FRY: variants seen among roughly 807,000 people sequenced by gnomAD.
FRY encodes the protein FRY microtubule binding protein, also known as protein furry homolog.
FRY carries 128 observed loss-of-function variants against 348.4 expected under a neutral mutation model. That is an observed-to-expected ratio of 0.37 (90% CI 0.32 to 0.43). FRY has a LOEUF of 0.43. Among genes scored for constraint, FRY ranks in the 20% least tolerant of loss-of-function variants. The pLI is 1.00. For synonymous variants in FRY, 1,370 were observed against 1,374.7 expected, an observed-to-expected ratio of 1.00 and a Z score of 0.08; for missense variants, 2,736 against 3,695.2, an observed-to-expected ratio of 0.74 and a Z score of 6.73.
intron 11 of FRY, among the ~76,000 whole-genome samples, chr13:32,146,115 C>G (rs543954243): frequency 6.6e-6 from 1 of 152,100 alleles, no homozygotes; most frequent in South Asian, 2.1e-4. Flanking sequence ...CAGGAGCCCT[C>G]TGCTCCTCCA....
Position 32,178,368 on chromosome 13 carries a change from A to C in FRY, c.2613A>C (p.Thr871=), listed in dbSNP as rs1415031375. ...AGAACTTACCCAAGCACTGCCCCAC[A>C]GCCCTCAGCTATGCCTGGCCTTATG... ...RQENLPKHCP[T]ALSYAWPYAF... Residue 871 remains threonine (T), a synonymous_variant, in exon 21 of 61, where the codon ACA becomes ACC. Coordinates refer to ENST00000542859, the MANE Select transcript of FRY (RefSeq NM_023037.3). 3 of 1,614,070 alleles carry C rather than the reference A, an allele frequency of 1.9e-6. No homozygotes were observed. The highest frequency in any genetic ancestry group is 1.7e-6 in the Non-Finnish European group (2 of 1,180,016).
At chr13:32,053,511 G>C (rs9533282) in intron 1 of FRY, among the ~76,000 whole-genome samples, 3,751 of 152,302 alleles carry the variant, frequency 0.025, 65 homozygotes, top group Non-Finnish European at 0.038. Flanking sequence ...CTTTGCAGAC[G>C]AACTGTCTCG....
At chr13:32,228,355 A>T in intron 39 of FRY, 101 bp from the exon 40 acceptor site, 2 of 890,502 alleles carry the variant, frequency 2.2e-6, no homozygotes, top group Non-Finnish European at 3.8e-6. Context: ...CCCAGAATTT[A>T]AATAACTCCA....
chr13:32,229,554 G>A (rs1885796723), intron 40 of FRY, among the ~76,000 whole-genome samples: 1 of 152,220 alleles, frequency 6.6e-6, no homozygotes, highest in African/African-American at 2.4e-5. Context: ...CCTACATACA[G>A]TATGCCTGCA....
intron 29 of FRY, among the ~76,000 whole-genome samples, chr13:32,198,903 C>G (rs1020299801): frequency 6.6e-6 from 1 of 152,090 alleles, no homozygotes; most frequent in Non-Finnish European, 1.5e-5. Flanking sequence ...TTAAGTGTGC[C>G]CTTTGACCCT....
chr13:32,066,692 G>A (rs955328639), intron 1 of FRY, among the ~76,000 whole-genome samples: 1 of 152,056 alleles, frequency 6.6e-6, no homozygotes, highest in African/African-American at 2.4e-5. Flanking sequence ...AGTTTGTGTT[G>A]TCCTTCCAAG....
intron 2 of FRY, among the ~76,000 whole-genome samples, chr13:32,093,405 T>C (rs550992378): frequency 6.6e-6 from 1 of 152,328 alleles, no homozygotes; most frequent in African/African-American, 2.4e-5. Context: ...TTCTCTTTTT[T>C]TTACCCTCTC....
At chr13:32,093,359 T>A (rs547675981) in intron 2 of FRY, among the ~76,000 whole-genome samples, 1 of 152,322 alleles carries the variant, frequency 6.6e-6, no homozygotes, top group South Asian at 2.1e-4. Context: ...CACATTGCAG[T>A]AGACTTTTAA....
intron 58 of FRY, among the ~76,000 whole-genome samples, chr13:32,288,694 T>C (rs904943492): frequency 2.0e-5 from 3 of 152,248 alleles, no homozygotes; most frequent in Admixed American, 6.5e-5. Context: ...ATTTGAAAAC[T>C]GAACAGTGAA....
chr13:32,177,913 A>G (rs540362172), intron 20 of FRY, among the ~76,000 whole-genome samples: 19 of 152,352 alleles, frequency 1.2e-4, no homozygotes, highest in African/African-American at 4.3e-4. Flanking sequence ...ATTGATGCAC[A>G]GTGCTCTGTG....
intron 7 of FRY, among the ~76,000 whole-genome samples, chr13:32,125,195 C>T (rs1032956716): frequency 6.6e-6 from 1 of 152,196 alleles, no homozygotes; most frequent in Non-Finnish European, 1.5e-5. Context: ...TCTGTTTTCT[C>T]TAGCCCATGA....
intron 2 of FRY, among the ~76,000 whole-genome samples, chr13:32,082,365 A>C (rs1358512497): frequency 6.6e-6 from 1 of 152,122 alleles, no homozygotes; most frequent in African/African-American, 2.4e-5. Flanking sequence ...ATATTTATGG[A>C]TAAGTCAATA....
chr13:32,166,573 G>A (rs1451446202), intron 17 of FRY, among the ~76,000 whole-genome samples: 1 of 152,094 alleles, frequency 6.6e-6, no homozygotes, highest in Non-Finnish European at 1.5e-5. Flanking sequence ...AATCCCATGT[G>A]TTTCACAAGA....
At chr13:32,102,569 T>C (rs965932751) in intron 3 of FRY, among the ~76,000 whole-genome samples, 6 of 152,142 alleles carry the variant, frequency 3.9e-5, no homozygotes, top group South Asian at 2.1e-4. Flanking sequence ...TAGATTCTAA[T>C]AGAGAAAATA....
chr13:32,032,642 A>G (rs1257260126), intron 1 of FRY, among the ~76,000 whole-genome samples: 2 of 152,192 alleles, frequency 1.3e-5, no homozygotes, highest in African/African-American at 2.4e-5. Context: ...GACAACCTCT[A>G]AGCTGCCGTG....
chr13:32,249,585 G>GT lies in FRY; in HGVS notation c.7068_7069insT (p.Pro2357SerfsTer72). On this transcript the variant is annotated frameshift_variant, in exon 49 of 61. Transcript: ENST00000542859. LOFTEE classifies it high-confidence loss of function. ...AGAATTCTTCTGGGCGTGATGGGAAGCCCAGGGCCATGGCCGTCACCCGGA... is the reference window on the plus strand; with the variant it reads ...AGAATTCTTCTGGGCGTGATGGGAAGTCCCAGGGCCATGGCCGTCACCCGGA... The GT allele has an allele frequency of 6.2e-7, 1 of 1,614,176 alleles. No homozygotes were observed. The highest frequency in any genetic ancestry group is 8.5e-7 in the Non-Finnish European group (1 of 1,180,024).
intron 40 of FRY, among the ~76,000 whole-genome samples, chr13:32,228,895 A>T (rs1885758681): frequency 6.6e-6 from 1 of 152,196 alleles, no homozygotes; most frequent in Non-Finnish European, 1.5e-5. Context: ...TTGATGGGCA[A>T]GGGGATTTTG....
In FRY at chr13:32,178,218, G is replaced by A; in HGVS notation, c.2463G>A (p.Leu821=). Reference sequence around the variant, plus strand: ...CCCACAATGTGGATCTGCAGTGGTTGGTGGAATGGAACGCAGTCCTGGTCA... The same window carrying A: ...CCCACAATGTGGATCTGCAGTGGTTAGTGGAATGGAACGCAGTCCTGGTCA... ...PLTHNVDLQW[L]VEWNAVLVNS... Residue 821 remains leucine, a synonymous_variant, in exon 21 of 61, where the codon TTG becomes TTA. Transcript: ENST00000542859. 6.2e-7 allele frequency: 1 copy of A among 1,614,174 alleles called. No individual in the cohort carries two copies. Among genetic ancestry groups the A allele is most frequent in the Non-Finnish European group, 8.5e-7 (1 of 1,179,992 alleles).
chr13:32,069,852 A>T (rs1429553285), intron 1 of FRY, among the ~76,000 whole-genome samples: 1 of 151,888 alleles, frequency 6.6e-6, no homozygotes, highest in East Asian at 1.9e-4. Flanking sequence ...TCCTAATGCT[A>T]TCCCTCCCCC....
Sources: allele counts gnomAD v4.1 joint callset (sites outside exome capture counted in the v4.1 genomes callset), GRCh38; gene constraint gnomAD v4.1.1; transcripts MANE v1.5; gene names NCBI Gene and HGNC (gene_info 2026-07-23, HGNC 2026-07-21).